Variants in GABRB1 observed in about 807,000 individuals in gnomAD.
GABRB1 encodes gamma-aminobutyric acid type A receptor subunit beta1.
Under a neutral mutation model 51.6 loss-of-function variants are expected in GABRB1, and 17 were observed. The observed-to-expected ratio is 0.33, with a 90% CI of 0.23 to 0.49. The LOEUF (loss-of-function observed/expected upper bound fraction) is 0.49, where lower values mean the gene tolerates loss of function less well. GABRB1 is among the 20% of genes least tolerant of loss of function. The pLI, the probability that GABRB1 is intolerant of heterozygous loss-of-function variation, is 0.99. For missense variants in GABRB1, 410 were observed against 600.6 expected (o/e 0.68, Z 3.32); for synonymous variants, 247 against 218.9 (o/e 1.13, Z -1.14).
intron 3 of GABRB1, among the ~76,000 whole-genome samples, chr4:47,085,427 C>T (rs1192287023): frequency 6.6e-6 from 1 of 152,200 alleles, no homozygotes; most frequent in Non-Finnish European, 1.5e-5. Context: ...AAACAACATT[C>T]ACTTTGTATT....
rs532595940 is a variant in GABRB1, at chr4:47,039,838, T to C, written c.240+7354T>C. On this transcript the variant is annotated intron_variant, in intron 3 of 8. Transcript: ENST00000295454. ...GAAAACTTAAAAGGCACAGGGAGGA[T>C]TGTCAAGAGATCAGACTGCATGCTA... 4.2e-4 allele frequency among the ~76,000 whole-genome samples: 64 copies of C among 152,248 alleles called. 1 individual carries two copies. In the South Asian group the frequency reaches 0.013, roughly 31 times the overall value.
At chr4:47,404,290 A>G (rs891010676) in intron 7 of GABRB1, among the ~76,000 whole-genome samples, 1 of 152,168 alleles carries the variant, frequency 6.6e-6, no homozygotes, top group African/African-American at 2.4e-5. Context: ...TTGGGGGAAC[A>G]AAATTTAGAA....
At chr4:47,185,797 A>G (rs1719152617) in intron 4 of GABRB1, among the ~76,000 whole-genome samples, 2 of 151,954 alleles carry the variant, frequency 1.3e-5, no homozygotes, top group Admixed American at 1.3e-4. Flanking sequence ...GCAGTAATCA[A>G]CCTTTTTTAA....
intron 3 of GABRB1, among the ~76,000 whole-genome samples, chr4:47,109,862 C>T (rs1233210259): frequency 6.6e-6 from 1 of 152,074 alleles, no homozygotes; most frequent in Non-Finnish European, 1.5e-5. Context: ...GAACTTTAGA[C>T]ACTAGCTGGT....
chr4:47,279,349 G>A (rs952124175), intron 4 of GABRB1, among the ~76,000 whole-genome samples: 2 of 152,120 alleles, frequency 1.3e-5, no homozygotes, highest in African/African-American at 2.4e-5. Context: ...ATTTTTACAA[G>A]CGAATAGAAT....
intron 3 of GABRB1, among the ~76,000 whole-genome samples, chr4:47,108,371 TA>T (rs1461449155): frequency 2.6e-5 from 4 of 151,956 alleles, no homozygotes; most frequent in Non-Finnish European, 4.4e-5. Flanking sequence ...CCTTCCGGAG[TA>T]TTCTGTGTTT....
intron 4 of GABRB1, among the ~76,000 whole-genome samples, chr4:47,208,180 T>C (rs1219814514): frequency 6.6e-6 from 1 of 152,050 alleles, no homozygotes; most frequent in East Asian, 1.9e-4. Flanking sequence ...TTCTTATATA[T>C]GCAACAGCAT....
intron 3 of GABRB1, among the ~76,000 whole-genome samples, chr4:47,045,352 T>C (rs1367420154): frequency 6.6e-6 from 1 of 152,074 alleles, no homozygotes; most frequent in Middle Eastern, 3.2e-3. Flanking sequence ...CTAAATGAGA[T>C]AATGTGTACA....
chr4:47,291,354 G>T (rs565768457), intron 4 of GABRB1, among the ~76,000 whole-genome samples: 2 of 152,246 alleles, frequency 1.3e-5, no homozygotes, highest in African/African-American at 4.8e-5. Flanking sequence ...TGCCCAGGCA[G>T]AAGTTTGCTG....
intron 4 of GABRB1, among the ~76,000 whole-genome samples, chr4:47,258,367 CT>C (rs1354620920): frequency 6.6e-6 from 1 of 152,038 alleles, no homozygotes; most frequent in Admixed American, 6.6e-5. Flanking sequence ...AATCCCTGAG[CT>C]TATCAGAGAT....
At chr4:47,162,313 T>C (rs1717996845) in intron 4 of GABRB1, among the ~76,000 whole-genome samples, 2 of 152,066 alleles carry the variant, frequency 1.3e-5, no homozygotes, top group Admixed American at 6.6e-5. Flanking sequence ...GCCCAATGTG[T>C]AAAGGGATGA....
rs550844416 is a variant in GABRB1 at position 47,188,371 on chromosome 4, G to A, written c.461+26902G>A. On this transcript the variant is annotated intron_variant, in intron 4 of 8. Transcript: ENST00000295454. ...ACGTTTTTTAATGCAAGATGTGACT[G>A]TCTAGATTGATAACCATTTTATTCA... Among the ~76,000 whole-genome samples the A allele has an allele frequency of 1.8e-4, 27 of 152,074 alleles. 1 individual carries two copies. Among genetic ancestry groups the A allele is most frequent in the East Asian group, 7.7e-4 (4 of 5,166 alleles).
intron 3 of GABRB1, among the ~76,000 whole-genome samples, chr4:47,051,646 T>C (rs548944480): frequency 2.6e-5 from 4 of 152,214 alleles, no homozygotes; most frequent in Admixed American, 1.3e-4. Flanking sequence ...AGAAGAGCCA[T>C]GTATTTGAGA....
intron 4 of GABRB1, among the ~76,000 whole-genome samples, chr4:47,195,438 AG>A (rs1719630909): frequency 3.6e-5 from 4 of 110,014 alleles, no homozygotes; most frequent in African/African-American, 1.2e-4. Context: ...ATAGATAGAT[AG>A]ATAGATGATA....
At chr4:47,258,145 C>A (rs1722289668) in intron 4 of GABRB1, among the ~76,000 whole-genome samples, 1 of 152,012 alleles carries the variant, frequency 6.6e-6, no homozygotes, top group African/African-American at 2.4e-5. Context: ...TGCAGTGTAT[C>A]ATATTTTTAT....
At chr4:47,012,987 G>A (rs1030279949) in intron 1 of GABRB1, among the ~76,000 whole-genome samples, 1 of 152,156 alleles carries the variant, frequency 6.6e-6, no homozygotes, top group African/African-American at 2.4e-5. Flanking sequence ...TGTAACCACT[G>A]CAAAGTTTTC....
At chr4:47,027,370 TA>T (rs1363229510), upstream of GABRB1, among the ~76,000 whole-genome samples, 3 of 151,530 alleles carry the variant, frequency 2.0e-5, no homozygotes, top group Non-Finnish European at 3.0e-5. Flanking sequence ...TAACAGGAAG[TA>T]AAAATAAAAA....
intron 4 of GABRB1, among the ~76,000 whole-genome samples, chr4:47,300,542 A>G (rs1264550698): frequency 6.6e-6 from 1 of 152,132 alleles, no homozygotes. Flanking sequence ...ATCTAAATCA[A>G]TCAAGACACA....
chr4:47,055,818 A>G (rs1726572976), intron 3 of GABRB1, among the ~76,000 whole-genome samples: 1 of 152,200 alleles, frequency 6.6e-6, no homozygotes, highest in Admixed American at 6.5e-5. Flanking sequence ...CTAATTAAAG[A>G]AAAATTAAAA....
Sources: gnomAD v4.1 joint callset for allele counts (sites outside exome capture counted in the v4.1 genomes callset) on GRCh38, gnomAD v4.1.1 for gene constraint, MANE v1.5 for transcripts, NCBI Gene and HGNC (gene_info 2026-07-23, HGNC 2026-07-21) for gene names.